The following SHANK2 variants were observed in gnomAD, a reference collection of about 807,000 sequenced individuals.
SHANK2 encodes SH3 and multiple ankyrin repeat domains 2.
A neutral mutation model predicts 133.7 loss-of-function variants in SHANK2; 43 were observed. The ratio of observed to expected loss-of-function variants is 0.32; its 90% confidence interval spans 0.25 to 0.41. The LOEUF (loss-of-function observed/expected upper bound fraction) is 0.41. SHANK2 is among the 10% of genes least tolerant of loss of function. The pLI is 1.00. For missense variants in SHANK2, 1,994 were observed against 2,235.8 expected (o/e 0.89, Z 2.18); for synonymous variants, 1,017 against 952.8 (o/e 1.07, Z -1.24).
At chr11:71,170,877 T>C (rs1953300049) in intron 2 of SHANK2, among the ~76,000 whole-genome samples, 2 of 152,212 alleles carry the variant, frequency 1.3e-5, no homozygotes, top group Non-Finnish European at 2.9e-5. Context: ...CCTCCAGGGA[T>C]TCCTGATGTC....
At chr11:70,764,258 C>T (rs556898927) in intron 14 of SHANK2, among the ~76,000 whole-genome samples, 2 of 150,806 alleles carry the variant, frequency 1.3e-5, no homozygotes, top group South Asian at 4.3e-4. Context: ...TCCATCCATC[C>T]ATCCATCCAT....
chr11:70,486,633 G>C lies in SHANK2; in HGVS notation c.3660C>G (p.Leu1220=), dbSNP rs1565528665. Residue 1220 remains leucine (L), a synonymous_variant, in exon 25 of 26, where the codon CTC becomes CTG. Coordinates refer to ENST00000601538, the MANE Select transcript of SHANK2 (RefSeq NM_012309.5). The surrounding 1 kb of genome is among the most constrained non-coding windows in gnomAD (Gnocchi z 8.0). The part of the protein sequence containing the change: ...LDPSSPLALA[L]SARDRAMKES... ...CCTTCATGGCTCGGTCCCTTGCGGA[G>C]AGTGCCAGGGCCAGCGGGGAGCTGG... 6.2e-7 allele frequency: 1 copy of C among 1,613,090 alleles called. No homozygotes were observed. The highest frequency in any genetic ancestry group is 1.1e-5 in the South Asian group (1 of 91,090).
At chr11:70,877,153 A>C (rs1590787872) in intron 11 of SHANK2, among the ~76,000 whole-genome samples, 1 of 152,266 alleles carries the variant, frequency 6.6e-6, no homozygotes, top group Non-Finnish European at 1.5e-5. Context: ...AGGAGCAACA[A>C]TGGTGTTCTG....
chr11:70,919,605 C>A (rs1950319868), intron 10 of SHANK2, among the ~76,000 whole-genome samples: 1 of 152,188 alleles, frequency 6.6e-6, no homozygotes, highest in African/African-American at 2.4e-5. Context: ...TGGTCTCGAA[C>A]TCCTGACCTC....
chr11:70,728,578 GGACA>G (rs1172883478), intron 14 of SHANK2, among the ~76,000 whole-genome samples: 6 of 152,138 alleles, frequency 3.9e-5, no homozygotes, highest in Non-Finnish European at 4.4e-5. Context: ...TGAGTCCGAT[GGACA>G]GAGATAATGG....
intron 17 of SHANK2, among the ~76,000 whole-genome samples, chr11:70,532,122 G>A (rs181065812): frequency 6.6e-6 from 1 of 152,284 alleles, no homozygotes; most frequent in African/African-American, 2.4e-5. Flanking sequence ...TTGTCATTGA[G>A]AAACTCAATG....
intron 15 of SHANK2, among the ~76,000 whole-genome samples, chr11:70,672,457 C>T (rs1443955740): frequency 1.3e-5 from 2 of 152,238 alleles, no homozygotes; most frequent in African/African-American, 2.4e-5. Context: ...TGACTCCTCC[C>T]ATTCCAGCCA....
chr11:70,605,954 C>G lies in SHANK2; in HGVS notation c.2061+53874G>C, dbSNP rs374405372. ...TTCTAGAACAACCTATTATTCCCCC[C>G]CCTCCTTGGGGTAAAAAGATGGCAT... On this transcript the variant is annotated intron_variant, in intron 17 of 25. Transcript: ENST00000601538. 3.5e-4 allele frequency among the ~76,000 whole-genome samples: 54 copies of G among 152,222 alleles called. No homozygotes were observed. In the East Asian group the frequency reaches 8.5e-3, roughly 24 times the overall value.
chr11:71,103,549 C>T (rs1289072603), intron 6 of SHANK2, among the ~76,000 whole-genome samples: 2 of 152,176 alleles, frequency 1.3e-5, no homozygotes, highest in Non-Finnish European at 2.9e-5. Flanking sequence ...ACTGAGCTGC[C>T]GTAGTTGATG....
At chr11:70,752,612 A>C (rs1312323567) in intron 14 of SHANK2, among the ~76,000 whole-genome samples, 3 of 149,510 alleles carry the variant, frequency 2.0e-5, no homozygotes, top group Non-Finnish European at 4.4e-5. Flanking sequence ...AGGCTGAGGC[A>C]GGAGAATGGC....
chr11:71,085,664 A>AAATATATAATATAATATATAACATAT (rs1951378652), intron 8 of SHANK2, among the ~76,000 whole-genome samples: 1 of 14,994 alleles, frequency 6.7e-5, no homozygotes, highest in African/African-American at 1.6e-4. Flanking sequence ...ATATTATATT[A>AAATATATAATATAATATATAACATAT]TATATGTTAT....
chr11:70,731,399 A>C (rs543344718), intron 14 of SHANK2, among the ~76,000 whole-genome samples: 1 of 152,302 alleles, frequency 6.6e-6, no homozygotes, highest in East Asian at 1.9e-4. Flanking sequence ...GCTGACTGAC[A>C]TACTCCCCGC....
chr11:70,644,010 AC>A (rs2061225132), intron 17 of SHANK2, among the ~76,000 whole-genome samples: 1 of 152,114 alleles, frequency 6.6e-6, no homozygotes, highest in Non-Finnish European at 1.5e-5. Context: ...AAGGGTTTGT[AC>A]GTGGCGGCGA....
intron 11 of SHANK2, among the ~76,000 whole-genome samples, chr11:70,829,417 G>T (rs532911882): frequency 1.3e-5 from 2 of 152,260 alleles, no homozygotes; most frequent in East Asian, 1.9e-4. Flanking sequence ...ACCCTGGGCT[G>T]CCCAGGGAGA....
chr11:70,832,048 A>C (rs1237238047), intron 11 of SHANK2, among the ~76,000 whole-genome samples: 1 of 152,196 alleles, frequency 6.6e-6, no homozygotes. Flanking sequence ...TGCACGCAAC[A>C]CCGTGGGGAC....
chr11:70,545,683 A>G (rs2059684732), intron 17 of SHANK2, among the ~76,000 whole-genome samples: 3 of 152,162 alleles, frequency 2.0e-5, no homozygotes, highest in Admixed American at 6.5e-5. Flanking sequence ...ACATCAACCA[A>G]TTCTCTAATC....
intron 10 of SHANK2, among the ~76,000 whole-genome samples, chr11:70,930,680 T>C (rs1950491034): frequency 6.7e-6 from 1 of 148,322 alleles, no homozygotes; most frequent in Non-Finnish European, 1.5e-5. Flanking sequence ...CTTTTTTTTT[T>C]TGAGACAATG....
intron 14 of SHANK2, among the ~76,000 whole-genome samples, chr11:70,791,368 A>T (rs1442588182): frequency 6.6e-6 from 1 of 152,182 alleles, no homozygotes; most frequent in East Asian, 1.9e-4. Context: ...TTTCTAGAGC[A>T]CCATCTTCCA....
chr11:70,911,297 A>G, intron 10 of SHANK2: 4 of 429,240 alleles, frequency 9.3e-6, no homozygotes, highest in Non-Finnish European at 1.9e-5. Context: ...TGGAGGTTGC[A>G]GTGAGCCAAG....
Sources: allele counts gnomAD v4.1 joint callset (sites outside exome capture counted in the v4.1 genomes callset), GRCh38; gene constraint gnomAD v4.1.1; non-coding constraint Gnocchi (gnomAD v3.1); transcripts MANE v1.5; gene names NCBI Gene and HGNC (gene_info 2026-07-23, HGNC 2026-07-21).